The following FAM20B variants were observed in gnomAD, a reference collection of about 807,000 sequenced individuals.
FAM20B encodes glycosaminoglycan xylosylkinase.
In FAM20B, 23 loss-of-function variants were observed where a neutral mutation model predicts 43.8. The ratio of observed to expected loss-of-function variants is 0.53; its 90% CI spans 0.38 to 0.74. The LOEUF is 0.74. Ranked by LOEUF, FAM20B falls within the 30% of genes least tolerant of loss-of-function variation. The probability of loss-of-function intolerance (pLI) is 0.00; values close to 1 mark genes in which losing one functional copy is unlikely to be tolerated. For missense variants in FAM20B, 440 were observed against 510.5 expected (o/e 0.86, Z 1.33); for synonymous variants, 178 against 192.4 (o/e 0.93, Z 0.62).
chr1:179,068,737 T>TAATTCTTTAATA (rs2102526843), intron 7 of FAM20B, among the ~76,000 whole-genome samples: 1 of 152,248 alleles, frequency 6.6e-6, no homozygotes, highest in East Asian at 1.9e-4. Context: ...CCCGACCCAA[T>TAATTCTTTAATA]ATAAAGAATT....
At chr1:179,031,518 T>C (rs1033884965) in intron 1 of FAM20B, among the ~76,000 whole-genome samples, 1 of 152,262 alleles carries the variant, frequency 6.6e-6, no homozygotes, top group African/African-American at 2.4e-5. Context: ...AGTTATTGCC[T>C]ATTTCATTTT....
intron 1 of FAM20B, among the ~76,000 whole-genome samples, chr1:179,027,482 A>C (rs553628052): frequency 1.3e-5 from 2 of 152,346 alleles, no homozygotes; most frequent in Admixed American, 1.3e-4. Context: ...ATTTAAAATC[A>C]ATGTATTCTA....
intron 1 of FAM20B, among the ~76,000 whole-genome samples, chr1:179,039,660 G>A (rs913784143): frequency 1.2e-4 from 18 of 152,170 alleles, no homozygotes; most frequent in Admixed American, 4.6e-4. Flanking sequence ...GATATGACAC[G>A]TCCAGGATCG....
upstream of FAM20B, among the ~76,000 whole-genome samples, chr1:179,023,343 A>C (rs1004835059): frequency 2.6e-5 from 4 of 152,266 alleles, no homozygotes; most frequent in Non-Finnish European, 4.4e-5. Context: ...TAAAGATGAA[A>C]TAGTGTATGT....
At chr1:179,025,555 C>T (rs186716206), upstream of FAM20B, among the ~76,000 whole-genome samples, 2 of 152,166 alleles carry the variant, frequency 1.3e-5, no homozygotes, top group African/African-American at 4.8e-5. Flanking sequence ...TGGCTGCCTA[C>T]CTACCTAAGA....
chr1:179,039,813 G>C (rs1486547301), intron 1 of FAM20B, among the ~76,000 whole-genome samples: 1 of 151,874 alleles, frequency 6.6e-6, no homozygotes, highest in Non-Finnish European at 1.5e-5. Flanking sequence ...GACAATAGTG[G>C]AGGGAAGGTC....
At chr1:179,032,134 C>T (rs543628051) in intron 1 of FAM20B, among the ~76,000 whole-genome samples, 1 of 152,208 alleles carries the variant, frequency 6.6e-6, no homozygotes, top group East Asian at 1.9e-4. Flanking sequence ...GATTTGGCCC[C>T]TCACTATGTA....
chr1:179,037,838 G>T (rs1650314199), intron 1 of FAM20B, among the ~76,000 whole-genome samples: 1 of 152,002 alleles, frequency 6.6e-6, no homozygotes, highest in South Asian at 2.1e-4. Flanking sequence ...ATTGTTTATG[G>T]CCCTGAATTG....
In FAM20B at chr1:179,070,148, T is replaced by C. The variant is rs143927497; in HGVS notation, c.999-1765T>C. ...GCAACCTCCGCCTCCCAGGTTCAAG[T>C]GATTCTCATGTCTCAGCCTCCCAAG... On this transcript the variant is annotated intron_variant, in intron 7 of 7. Coordinates refer to ENST00000263733, the MANE Select transcript of FAM20B (RefSeq NM_014864.4). Among the ~76,000 whole-genome samples, 1,441 of 151,998 alleles carry C rather than the reference T, an allele frequency of 9.5e-3. 52 individuals carry two copies. The highest frequency in any genetic ancestry group is 0.06 in the Admixed American group (908 of 15,250).
chr1:179,022,750 C>T (rs1461039022), upstream of FAM20B, among the ~76,000 whole-genome samples: 1 of 152,190 alleles, frequency 6.6e-6, no homozygotes, highest in Non-Finnish European at 1.5e-5. Context: ...GTTAGTGCTA[C>T]AGAAGACGCA....
intron 1 of FAM20B, among the ~76,000 whole-genome samples, chr1:179,027,471 G>T (rs1018018972): frequency 6.6e-6 from 1 of 152,200 alleles, no homozygotes; most frequent in Non-Finnish European, 1.5e-5. Context: ...ATCTCAGGGA[G>T]ATTTAAAATC....
intron 1 of FAM20B, among the ~76,000 whole-genome samples, chr1:179,040,749 C>T (rs1311917193): frequency 7.1e-6 from 1 of 140,094 alleles, no homozygotes; most frequent in Non-Finnish European, 1.6e-5. Context: ...GCTGGCCTGG[C>T]GGGGGCTGAC....
rs1651585473 is a variant in FAM20B at position 179,064,032 on chromosome 1, A to G, written c.680A>G (p.Asp227Gly). The change falls in exon 5 of 8, where the codon GAT becomes GGT. Residue 227 changes from aspartate (D) to glycine (G), a missense_variant. By Grantham distance (94) the Asp-to-Gly change is moderately conservative (BLOSUM62 -1). Transcript: ENST00000263733. Reference protein sequence around the residue: ...MEGSVTLWLPDVWPLQKHRHP... With the variant: ...MEGSVTLWLPGVWPLQKHRHP... The stretch of plus-strand genomic sequence containing the variant: ...GGATCTGTCACACTTTGGCTTCCAG[A>G]TGTGTGGCCTCTGCAGAAGCACCGT... 4 of 1,614,084 alleles carry G rather than the reference A, an allele frequency of 2.5e-6. No homozygotes were observed. The East Asian group carries it at 8.9e-5, about 36-fold the overall frequency.
At chr1:179,048,902 T>A (rs541169928) in intron 2 of FAM20B, among the ~76,000 whole-genome samples, 1 of 152,326 alleles carries the variant, frequency 6.6e-6, no homozygotes, top group South Asian at 2.1e-4. Context: ...CACTGCCTTT[T>A]ATAGTACTGT....
At chr1:179,068,440 A>ATTT (rs35721038) in intron 7 of FAM20B, among the ~76,000 whole-genome samples, 9 of 147,930 alleles carry the variant, frequency 6.1e-5, no homozygotes, top group Non-Finnish European at 7.5e-5. Flanking sequence ...AATATAAAGA[A>ATTT]TTTTTTTTTT....
chr1:179,029,656 G>T (rs879766930), intron 1 of FAM20B, among the ~76,000 whole-genome samples: 4 of 152,154 alleles, frequency 2.6e-5, no homozygotes, highest in Non-Finnish European at 5.9e-5. Flanking sequence ...ACTTGGGCAC[G>T]TTATAAAGGC....
intron 1 of FAM20B, among the ~76,000 whole-genome samples, chr1:179,042,328 G>A (rs1240072671): frequency 6.6e-6 from 1 of 152,230 alleles, no homozygotes; most frequent in African/African-American, 2.4e-5. Context: ...GCAGCTCCAA[G>A]CATAAGCACA....
intron 1 of FAM20B, among the ~76,000 whole-genome samples, chr1:179,028,203 A>T (rs1348775616): frequency 6.6e-6 from 1 of 152,230 alleles, no homozygotes; most frequent in Non-Finnish European, 1.5e-5. Flanking sequence ...TTTTTAAAAT[A>T]GCTAACCACA....
intron 7 of FAM20B, among the ~76,000 whole-genome samples, chr1:179,068,229 T>C (rs1038318646): frequency 6.6e-6 from 1 of 152,184 alleles, no homozygotes; most frequent in Non-Finnish European, 1.5e-5. Context: ...CTTCTTTCTT[T>C]TTTTAAATGA....
Sources: gnomAD v4.1 joint callset for allele counts (sites outside exome capture counted in the v4.1 genomes callset) on GRCh38, gnomAD v4.1.1 for gene constraint, MANE v1.5 for transcripts, NCBI Gene and HGNC (gene_info 2026-07-23, HGNC 2026-07-21) for gene names.